The following ELFN2 variants were observed in gnomAD, a reference collection of about 807,000 sequenced individuals.
ELFN2 encodes the protein extracellular leucine rich repeat and fibronectin type III domain containing 2.
ELFN2 carries 17 observed loss-of-function variants against 45.5 expected under a neutral mutation model. That is an observed-to-expected ratio of 0.37 (90% CI 0.26 to 0.56). The LOEUF is 0.56. Ranked by LOEUF, ELFN2 falls within the 20% of genes least tolerant of loss-of-function variation. ELFN2 has a pLI of 0.77. For missense variants in ELFN2, 922 were observed against 1,183.2 expected, an observed-to-expected ratio of 0.78 and a Z score of 3.24; for synonymous variants, 550 against 551.5, an observed-to-expected ratio of 1.00 and a Z score of 0.04.
chr22:37,354,673 T>C (rs148092722), intron 1 of ELFN2: 1 of 151,126 alleles, frequency 6.6e-6, no homozygotes, highest in Non-Finnish European at 1.5e-5. Flanking sequence ...GGGGTTCTTA[T>C]GGGGTTTTTG....
Position 37,368,541 on chromosome 22 carries a change from G to A in ELFN2, c.*4531C>T, listed in dbSNP as rs1277290000. On this transcript the variant is annotated 3_prime_UTR_variant, in exon 3 of 3. Coordinates refer to ENST00000402918, the MANE Select transcript of ELFN2 (RefSeq NM_052906.5). ...CTTAGAAGGGGCACCCAGGGTCAGG[G>A]AAGGAGTGTGTCAGGATGGAATCTG... The A allele has an allele frequency of 6.6e-6, 1 of 152,318 alleles. No individual in the cohort carries two copies. The allele number at this position is 152,318 out of a possible 1,614,324, so 9.4% of individuals were successfully genotyped here.
chr22:37,359,026 A>G (rs974951626), intron 1 of ELFN2, among the ~76,000 whole-genome samples: 1 of 152,050 alleles, frequency 6.6e-6, no homozygotes, highest in Non-Finnish European at 1.5e-5. Flanking sequence ...TCACCAACAT[A>G]TATCCATATG....
At chr22:37,410,720 T>C (rs1386616861) in intron 2 of ELFN2, among the ~76,000 whole-genome samples, 1 of 152,186 alleles carries the variant, frequency 6.6e-6, no homozygotes, top group African/African-American at 2.4e-5. Flanking sequence ...GATCCCATTC[T>C]ACCACACGAA....
At chr22:37,398,645 C>A (rs1445546692) in intron 2 of ELFN2, among the ~76,000 whole-genome samples, 2 of 152,188 alleles carry the variant, frequency 1.3e-5, no homozygotes, top group Non-Finnish European at 2.9e-5. Context: ...TCCTCTGCTC[C>A]ACAGTTTAGG....
chr22:37,426,630 C>T (rs1489645583), intron 1 of ELFN2, among the ~76,000 whole-genome samples: 1 of 134,434 alleles, frequency 7.4e-6, no homozygotes, highest in Non-Finnish European at 1.7e-5. Context: ...CACACTGGCA[C>T]GCGCTCGCAC....
chr22:37,391,464 ACCCGCTGTGTGCCAGGCC>A (rs1932085180), intron 2 of ELFN2, among the ~76,000 whole-genome samples: 1 of 151,976 alleles, frequency 6.6e-6, no homozygotes, highest in South Asian at 2.1e-4. Flanking sequence ...CCGCGCCGGC[ACCCGCTGTGTGCCAGGCC>A]CCCGCACACT....
chr22:37,346,319 G>T (rs984027134), intron 1 of ELFN2, among the ~76,000 whole-genome samples: 11 of 152,152 alleles, frequency 7.2e-5, no homozygotes, highest in African/African-American at 2.4e-4. Flanking sequence ...GGAGCAGGTG[G>T]GGTGAGGCTG....
intron 1 of ELFN2, chr22:37,420,197 C>A (rs1175651246): frequency 6.6e-6 from 1 of 152,180 alleles, no homozygotes; most frequent in Admixed American, 6.5e-5. Flanking sequence ...CCCGGCGGGG[C>A]TCCGAGCGCG....
At chr22:37,356,269 G>A (rs985367712) in intron 1 of ELFN2, among the ~76,000 whole-genome samples, 9 of 152,154 alleles carry the variant, frequency 5.9e-5, no homozygotes, top group African/African-American at 1.4e-4. Context: ...AGGGTTACCC[G>A]AAGGGCCTTC....
Position 37,352,913 on chromosome 22 carries a change from T to A in ELFN2, n.149-10210A>T, listed in dbSNP as rs558093158. Among the ~76,000 whole-genome samples, 119 of 150,998 alleles carry A rather than the reference T, an allele frequency of 7.9e-4. 3 individuals are homozygous for A. The highest frequency in any genetic ancestry group is 2.7e-3 in the African/African-American group (112 of 41,468). ...GCTGGGCACAGGTCGGGGTGGAGGATGGCCAGAGCTGAAGCAGGCAGGCCA... is the reference window on the plus strand; with the variant it reads ...GCTGGGCACAGGTCGGGGTGGAGGAAGGCCAGAGCTGAAGCAGGCAGGCCA... On this transcript the variant is annotated intron_variant and non_coding_transcript_variant, in intron 1 of 2. Coordinates refer to ENST00000452946, the Ensembl canonical transcript of ELFN2.
chr22:37,389,653 A>G (rs139435962), intron 2 of ELFN2, among the ~76,000 whole-genome samples: 47 of 152,194 alleles, frequency 3.1e-4, no homozygotes, highest in African/African-American at 1.1e-3. Context: ...GCAGCTCTCC[A>G]GTGATGCACT....
At chr22:37,376,627 A>G (rs1262957938) in intron 2 of ELFN2, among the ~76,000 whole-genome samples, 1 of 151,688 alleles carries the variant, frequency 6.6e-6, no homozygotes, top group Non-Finnish European at 1.5e-5. Context: ...GGGGAGGGGG[A>G]GCAGAATATC....
At chr22:37,403,287 G>T (rs1932410403) in intron 2 of ELFN2, among the ~76,000 whole-genome samples, 1 of 151,454 alleles carries the variant, frequency 6.6e-6, no homozygotes, top group Admixed American at 6.6e-5. Context: ...ACCAAGCCCA[G>T]AGTGAAACCC....
chr22:37,387,653 C>T (rs1931985110), intron 2 of ELFN2, among the ~76,000 whole-genome samples: 1 of 152,130 alleles, frequency 6.6e-6, no homozygotes, highest in South Asian at 2.1e-4. Context: ...TCTTCCTGGG[C>T]TGGGGACCTG....
At chr22:37,348,469 C>T (rs1201042270) in intron 1 of ELFN2, among the ~76,000 whole-genome samples, 1 of 149,128 alleles carries the variant, frequency 6.7e-6, no homozygotes, top group East Asian at 1.9e-4. Context: ...CTGAGGTGGG[C>T]ACAGGGCCCC....
chr22:37,416,331 C>T (rs976565904), intron 2 of ELFN2, among the ~76,000 whole-genome samples: 6 of 152,180 alleles, frequency 3.9e-5, no homozygotes, highest in African/African-American at 9.7e-5. Flanking sequence ...GAGGGAGATG[C>T]TCCCCAGAAC....
At position 37,417,189 on chromosome 22, in the gene ELFN2, C is replaced by T. The variant is rs1932768653; in HGVS notation, c.-463+580G>A. On this transcript the variant is annotated intron_variant, in intron 2 of 2. Transcript: ENST00000402918. The surrounding 1 kb of genome is among the most constrained non-coding windows in gnomAD (Gnocchi z 4.5). ...GCCAGGACGGAGCAGCTCCTTCTGC[C>T]TGCCTGTCTGCCTGTTTGCGGCCTC... 6.6e-6 allele frequency among the ~76,000 whole-genome samples: 1 copy of T among 152,210 alleles called. No homozygotes were observed. The highest frequency in any genetic ancestry group is 1.5e-5 in the Non-Finnish European group (1 of 68,042).
intron 2 of ELFN2, among the ~76,000 whole-genome samples, chr22:37,376,471 G>T (rs1191013723): frequency 6.6e-6 from 1 of 152,090 alleles, no homozygotes; most frequent in Non-Finnish European, 1.5e-5. Context: ...ACGTGTCCAC[G>T]TACCCAAGCG....
At chr22:37,411,314 G>A (rs1043329889) in intron 2 of ELFN2, among the ~76,000 whole-genome samples, 8 of 152,226 alleles carry the variant, frequency 5.3e-5, no homozygotes, top group Middle Eastern at 3.4e-3. Flanking sequence ...CCCCAGAAGC[G>A]CTGCTTAGAT....
Sources: gnomAD v4.1 joint callset for allele counts (sites outside exome capture counted in the v4.1 genomes callset) on GRCh38, gnomAD v4.1.1 for gene constraint, Gnocchi (gnomAD v3.1) non-coding constraint, MANE v1.5 for transcripts, NCBI Gene and HGNC (gene_info 2026-07-23, HGNC 2026-07-21) for gene names.